Variants in MINDY4 observed in about 807,000 individuals in gnomAD.
The protein encoded by MINDY4 is MINDY lysine 48 deubiquitinase 4.
A neutral mutation model predicts 87.0 loss-of-function variants in MINDY4; 68 were observed. The observed-to-expected ratio is 0.78, with a 90% confidence interval of 0.64 to 0.96. The LOEUF is 0.96. Among genes scored for constraint, MINDY4 ranks in the 40% least tolerant of loss-of-function variants. The pLI, the probability that MINDY4 is intolerant of heterozygous loss-of-function variation, is 0.00. For synonymous variants in MINDY4, 379 were observed against 363.2 expected, an observed-to-expected ratio of 1.04 and a Z score of -0.50; for missense variants, 919 against 928.2, an observed-to-expected ratio of 0.99 and a Z score of 0.13.
At chr7:30,813,203 C>T (rs183534293) in intron 5 of MINDY4, among the ~76,000 whole-genome samples, 4 of 152,274 alleles carry the variant, frequency 2.6e-5, no homozygotes, top group South Asian at 2.1e-4. Context: ...GGCTTCATTC[C>T]GCCTCTGTAG....
chr7:30,779,108 C>T (rs994887302), intron 2 of MINDY4, among the ~76,000 whole-genome samples: 2 of 152,164 alleles, frequency 1.3e-5, no homozygotes, highest in African/African-American at 4.8e-5. Flanking sequence ...CAGACTTGAT[C>T]TCCCCCAACC....
intron 13 of MINDY4, among the ~76,000 whole-genome samples, chr7:30,863,074 C>T (rs1789816842): frequency 6.6e-6 from 1 of 152,116 alleles, no homozygotes; most frequent in East Asian, 1.9e-4. Flanking sequence ...GGAGAAGCCC[C>T]AGCTCTGCAT....
intron 17 of MINDY4, 115 bp downstream of exon 17, chr7:30,883,108 A>G: frequency 1.0e-6 from 1 of 963,086 alleles, no homozygotes; most frequent in African/African-American, 1.6e-5. Context: ...ACCCTGATTC[A>G]AAGAGGTGTG....
chr7:30,867,439 A>G (rs1177951037), intron 13 of MINDY4, among the ~76,000 whole-genome samples: 1 of 152,180 alleles, frequency 6.6e-6, no homozygotes, highest in Admixed American at 6.5e-5. Context: ...CAAATGCTTT[A>G]TATAGTTCAT....
At chr7:30,852,422 G>A (rs1789440740) in intron 11 of MINDY4, 143 bp downstream of exon 11, 1 of 1,474,506 alleles carries the variant, frequency 6.8e-7, no homozygotes, top group Admixed American at 2.3e-5. Flanking sequence ...TGGGATTAGG[G>A]TGGGGACAGA....
At chr7:30,778,320 AG>A in intron 1 of MINDY4, 111 bp from the exon 2 acceptor site, 1 of 1,340,008 alleles carries the variant, frequency 7.5e-7, no homozygotes, top group Non-Finnish European at 1.0e-6. Context: ...TCAAGTGTAA[AG>A]GTTATATGAG....
At chr7:30,844,754 G>A (rs759815193) in intron 9 of MINDY4, among the ~76,000 whole-genome samples, 14 of 152,338 alleles carry the variant, frequency 9.2e-5, no homozygotes, top group Non-Finnish European at 1.8e-4. Context: ...GCCACCCTGG[G>A]AGAGGGGAAG....
chr7:30,778,152 T>C (rs1274538728), intron 1 of MINDY4, among the ~76,000 whole-genome samples: 1 of 152,212 alleles, frequency 6.6e-6, no homozygotes, highest in Non-Finnish European at 1.5e-5. Context: ...TAAAGCTTCA[T>C]ATACTATGGT....
chr7:30,844,819 A>G (rs1215516205), intron 9 of MINDY4, among the ~76,000 whole-genome samples: 1 of 152,166 alleles, frequency 6.6e-6, no homozygotes, highest in African/African-American at 2.4e-5. Context: ...TTGTGTGGAA[A>G]CAGAGCATCA....
intron 4 of MINDY4, 33 bp downstream of exon 4, chr7:30,786,025 C>G: frequency 6.2e-7 from 1 of 1,610,586 alleles, no homozygotes; most frequent in Non-Finnish European, 8.5e-7. Flanking sequence ...TGTTATGGGA[C>G]TGGAGGCTGA....
At chr7:30,806,025 C>T (rs572947625) in intron 5 of MINDY4, among the ~76,000 whole-genome samples, 19 of 152,260 alleles carry the variant, frequency 1.2e-4, no homozygotes, top group African/African-American at 4.1e-4. Flanking sequence ...TAATTGATGT[C>T]TGTAATGATG....
At chr7:30,872,184 C>A in intron 13 of MINDY4, 59 bp from the exon 14 acceptor site, 1 of 1,543,444 alleles carries the variant, frequency 6.5e-7, no homozygotes, top group Non-Finnish European at 8.9e-7. Context: ...GGTCACCTAG[C>A]GAGGTTTGCA....
At chr7:30,790,896 A>G (rs1787303735) in intron 4 of MINDY4, among the ~76,000 whole-genome samples, 1 of 152,312 alleles carries the variant, frequency 6.6e-6, no homozygotes, top group South Asian at 2.1e-4. Flanking sequence ...CACCTGCTGC[A>G]TGAACCTGCT....
intron 5 of MINDY4, among the ~76,000 whole-genome samples, chr7:30,823,137 T>C (rs1788392640): frequency 6.6e-6 from 1 of 152,206 alleles, no homozygotes; most frequent in South Asian, 2.1e-4. Context: ...TAATGTCAGT[T>C]TGTTTTATTT....
At chr7:30,877,005 C>G (rs1239229362) in intron 15 of MINDY4, among the ~76,000 whole-genome samples, 2 of 152,084 alleles carry the variant, frequency 1.3e-5, no homozygotes, top group Admixed American at 6.5e-5. Flanking sequence ...TGGTGCAGCC[C>G]CCTCCCCAGA....
At chr7:30,783,725 TTG>T (rs1355872684) in intron 3 of MINDY4, among the ~76,000 whole-genome samples, 1 of 152,202 alleles carries the variant, frequency 6.6e-6, no homozygotes, top group African/African-American at 2.4e-5. Context: ...ATGGACTACT[TTG>T]TGATGAAGAG....
chr7:30,829,700 A>G (rs1788636376), intron 6 of MINDY4, among the ~76,000 whole-genome samples: 1 of 152,220 alleles, frequency 6.6e-6, no homozygotes, highest in South Asian at 2.1e-4. Flanking sequence ...AGAGCTCCCC[A>G]GATGGGGTAG....
At chr7:30,858,981 G>A (rs1248587266) in intron 12 of MINDY4, 1 of 682,126 alleles carries the variant, frequency 1.5e-6, no homozygotes, top group Non-Finnish European at 2.8e-6. Context: ...GGCCATGACT[G>A]TTGCTGTCTT....
intron 5 of MINDY4, among the ~76,000 whole-genome samples, chr7:30,808,792 G>A (rs1415006710): frequency 6.6e-6 from 1 of 152,068 alleles, no homozygotes; most frequent in Admixed American, 6.6e-5. Flanking sequence ...CTTGGTTACA[G>A]CTGGTTTTAG....
Sources: allele counts gnomAD v4.1 joint callset (sites outside exome capture counted in the v4.1 genomes callset), GRCh38; gene constraint gnomAD v4.1.1; transcripts MANE v1.5; gene names NCBI Gene and HGNC (gene_info 2026-07-23, HGNC 2026-07-21).